Variants in BICRA observed in about 807,000 individuals in gnomAD.
BICRA encodes the protein BRD4-interacting chromatin-remodeling complex-associated protein.
BICRA carries 31 observed loss-of-function variants against 96.9 expected under a neutral mutation model. The ratio of observed to expected loss-of-function variants is 0.32; its 90% CI spans 0.24 to 0.43. The LOEUF is 0.43. Ranked by LOEUF, BICRA falls within the 20% of genes least tolerant of loss-of-function variation. The pLI is 1.00. For missense variants in BICRA, 2,283 were observed against 2,190.3 expected (o/e 1.04, Z -0.84); for synonymous variants, 1,350 against 1,071.8 (o/e 1.26, Z -5.07).
rs1194597676 is a variant in BICRA, at chr19:47,695,467, G to A, written c.3179G>A (p.Gly1060Glu). The change falls in exon 10 of 15, where the codon GGG becomes GAG. Residue 1060 changes from glycine to glutamate, a missense_variant. Transcript: ENST00000594866. Reference sequence around the variant, plus strand: ...TCCTCCGGGCCAGGGAAGCCCTCCGGGCTGCAGGTAAGGGGCCCTTAGAGC... The same window carrying A: ...TCCTCCGGGCCAGGGAAGCCCTCCGAGCTGCAGGTAAGGGGCCCTTAGAGC... ...AASSGPGKPS[G>E]LQYESKLSGL... 3 of 1,534,852 alleles carry A rather than the reference G, an allele frequency of 2.0e-6. No individual in the cohort carries two copies. Among genetic ancestry groups the A allele is most frequent in the Non-Finnish European group, 2.7e-6 (3 of 1,120,764 alleles).
In BICRA at chr19:47,701,821, G is replaced by A. The variant is rs1973455962; in HGVS notation, c.4089G>A (p.Val1363=). The A allele has an allele frequency of 1.3e-6, 2 of 1,531,478 alleles. No individual in the cohort carries two copies. Among genetic ancestry groups the A allele is most frequent in the Non-Finnish European group, 1.8e-6 (2 of 1,142,586 alleles). The allele number at this position is 1,531,478 out of a possible 1,614,324, so 94.9% of individuals were successfully genotyped here. ...CCACGGGCCAGATGAACGGCACGGT[G>A]GACCACCCGCCGCCTGCCGCCCCCG... is the stretch of plus-strand genomic sequence containing the variant. ...PPPTGQMNGT[V]DHPPPAAPER... The change falls in exon 15 of 15, where the codon GTG becomes GTA. Residue 1363 remains valine (V), a synonymous_variant. Coordinates refer to ENST00000594866, the MANE Select transcript of BICRA (RefSeq NM_001394372.1). The surrounding 1 kb of genome is among the most constrained non-coding windows in gnomAD (Gnocchi z 5.4).
chr19:47,612,117 T>A (rs1971916582), intron 1 of BICRA, among the ~76,000 whole-genome samples: 1 of 152,130 alleles, frequency 6.6e-6, no homozygotes, highest in Non-Finnish European at 1.5e-5. Context: ...GTAATCTGAC[T>A]GGCATTTAAA....
intron 1 of BICRA, among the ~76,000 whole-genome samples, chr19:47,643,543 G>A (rs1490615297): frequency 1.3e-5 from 2 of 152,158 alleles, no homozygotes; most frequent in Non-Finnish European, 2.9e-5. Flanking sequence ...GGGGTCCCTG[G>A]CATTAGGCTG....
At chr19:47,660,808 C>G (rs1972692657) in intron 1 of BICRA, among the ~76,000 whole-genome samples, 1 of 152,154 alleles carries the variant, frequency 6.6e-6, no homozygotes, top group Admixed American at 6.5e-5. Context: ...TCTTGGGTGA[C>G]CTTGGGCAAG....
Position 47,701,258 on chromosome 19 carries a change from C to A in BICRA, c.3596-70C>A. On this transcript the variant is annotated intron_variant, in intron 14 of 14. Coordinates refer to ENST00000594866, the MANE Select transcript of BICRA (RefSeq NM_001394372.1). The surrounding 1 kb of genome is among the most constrained non-coding windows in gnomAD (Gnocchi z 5.4). ...GCAGGTAGTAGGTGCTCACTGCACACAGCTCCTCCCAGCTCGGTCGGGGGG... is the reference window on the plus strand; with the variant it reads ...GCAGGTAGTAGGTGCTCACTGCACAAAGCTCCTCCCAGCTCGGTCGGGGGG... 1 of 1,092,470 alleles carries A rather than the reference C, an allele frequency of 9.2e-7. No individual in the cohort carries two copies. Among genetic ancestry groups the A allele is most frequent in the Non-Finnish European group, 1.4e-6 (1 of 734,080 alleles). 67.7% of individuals were successfully genotyped at this position (1,092,470 alleles called of 1,614,324 possible).
In BICRA at chr19:47,694,855, C is replaced by G. The variant is rs1184416088; in HGVS notation, c.2896-45C>G. On this transcript the variant is annotated intron_variant, in intron 8 of 14. Coordinates refer to ENST00000594866, the MANE Select transcript of BICRA (RefSeq NM_001394372.1). ...CCTGCTGCGTCTGGACACCCCTACACCTAGCCTATGTTCCCCACCCCTCAT... is the reference window on the plus strand; with the variant it reads ...CCTGCTGCGTCTGGACACCCCTACAGCTAGCCTATGTTCCCCACCCCTCAT... 9.3e-6 allele frequency: 13 copies of G among 1,397,358 alleles called. No homozygotes were observed. In the South Asian group the frequency reaches 1.1e-4, roughly 12 times the overall value. 86.6% of individuals were successfully genotyped at this position (1,397,358 alleles called of 1,614,324 possible).
At chr19:47,693,905 CAG>C (rs1192922819) in intron 7 of BICRA, among the ~76,000 whole-genome samples, 1 of 151,852 alleles carries the variant, frequency 6.6e-6, no homozygotes, top group Non-Finnish European at 1.5e-5. Context: ...CGGTGGGGGA[CAG>C]AGGTCGAGGG....
At position 47,702,304 on chromosome 19, in the gene BICRA, C is replaced by G. The variant is rs1460071190; in HGVS notation, c.4572C>G (p.Pro1524=). 7 of 1,582,950 alleles carry G rather than the reference C, an allele frequency of 4.4e-6. No individual in the cohort carries two copies. The highest frequency in any genetic ancestry group is 5.1e-6 in the Non-Finnish European group (6 of 1,171,870). ...GCCGGACGCCCGCGCCCTCGTACCCCCACGCTGCCTCGGCCGGCACCCCCG... is the reference window on the plus strand; with the variant it reads ...GCCGGACGCCCGCGCCCTCGTACCCGCACGCTGCCTCGGCCGGCACCCCCG... ...APGRTPAPSY[P]HAASAGTPAS... Residue 1524 remains proline (P), a synonymous_variant, in exon 15 of 15, where the codon CCC becomes CCG. Transcript: ENST00000594866.
At chr19:47,697,987 G>A (rs1307919924) in intron 11 of BICRA, among the ~76,000 whole-genome samples, 2 of 152,220 alleles carry the variant, frequency 1.3e-5, no homozygotes, top group East Asian at 1.9e-4. Flanking sequence ...GATTGCAGGC[G>A]TGAGCCTCTG....
intron 1 of BICRA, among the ~76,000 whole-genome samples, chr19:47,623,813 C>G (rs1004437257): frequency 3.4e-5 from 5 of 149,054 alleles, no homozygotes; most frequent in Admixed American, 3.4e-4. Context: ...CCCTGAGCAG[C>G]TGGGTGGAAG....
chr19:47,610,861 C>T (rs1971895684), intron 1 of BICRA, among the ~76,000 whole-genome samples: 1 of 152,074 alleles, frequency 6.6e-6, no homozygotes, highest in Non-Finnish European at 1.5e-5. Context: ...TCAGGAAGCA[C>T]CCCCTTCCCA....
chr19:47,634,870 C>A (rs1348293843), intron 1 of BICRA, among the ~76,000 whole-genome samples: 1 of 146,428 alleles, frequency 6.8e-6, no homozygotes, highest in Non-Finnish European at 1.5e-5. Context: ...TTACGCCATT[C>A]TCCTCCCTCA....
chr19:47,696,483 C>T lies in BICRA; in HGVS notation c.3219C>T (p.Pro1073=), dbSNP rs1045815086. 6.2e-7 allele frequency: 1 copy of T among 1,604,690 alleles called. No individual in the cohort carries two copies. Among genetic ancestry groups the T allele is most frequent in the Non-Finnish European group, 8.5e-7 (1 of 1,175,882 alleles). The part of the protein sequence containing the change: ...YESKLSGLKK[P]PTLQPSKEAC... Reference sequence around the variant, plus strand: ...GCAAACTGAGTGGCCTGAAGAAGCCCCCCACGCTTCAGCCCAGCAAGGAAG... The same window carrying T: ...GCAAACTGAGTGGCCTGAAGAAGCCTCCCACGCTTCAGCCCAGCAAGGAAG... Residue 1073 remains proline, a synonymous_variant, in exon 11 of 15, where the codon CCC becomes CCT. Transcript: ENST00000594866.
chr19:47,667,295 G>A (rs957642125), intron 1 of BICRA, among the ~76,000 whole-genome samples: 3 of 152,180 alleles, frequency 2.0e-5, no homozygotes, highest in Non-Finnish European at 4.4e-5. Flanking sequence ...GATTACAGGC[G>A]TGAGCCACAG....
intron 1 of BICRA, among the ~76,000 whole-genome samples, chr19:47,644,917 A>G (rs1972437568): frequency 6.6e-6 from 1 of 152,122 alleles, no homozygotes; most frequent in Non-Finnish European, 1.5e-5. Flanking sequence ...ACACACACAC[A>G]CTTCCTCTTT....
intron 1 of BICRA, among the ~76,000 whole-genome samples, chr19:47,629,684 G>A (rs920325756): frequency 6.6e-6 from 1 of 151,918 alleles, no homozygotes; most frequent in Admixed American, 6.6e-5. Flanking sequence ...TTGAGACGGA[G>A]TCTCGCTCTG....
Position 47,642,848 on chromosome 19 carries a change from C to T in BICRA, c.-107-27595C>T, listed in dbSNP as rs111788421. On this transcript the variant is annotated intron_variant, in intron 1 of 14. Transcript: ENST00000594866. ...CATTATCAGTCTTTATAATGTCAGA[C>T]GTTCTAACGGGTATGTAGTAATATC... is the stretch of plus-strand genomic sequence containing the variant. Among the ~76,000 whole-genome samples, 6 of 152,222 alleles carry T rather than the reference C, an allele frequency of 3.9e-5. No individual in the cohort carries two copies. The South Asian group carries it at 8.3e-4, about 21-fold the overall frequency.
At chr19:47,649,605 C>T (rs1359479287) in intron 1 of BICRA, among the ~76,000 whole-genome samples, 1 of 152,128 alleles carries the variant, frequency 6.6e-6, no homozygotes, top group Admixed American at 6.6e-5. Flanking sequence ...AATTGATATC[C>T]TACTAATGGA....
Position 47,680,856 on chromosome 19 carries a change from G to T in BICRA, c.1686G>T (p.Ala562=). 2 of 1,567,056 alleles carry T rather than the reference G, an allele frequency of 1.3e-6. No individual in the cohort carries two copies. The highest frequency in any genetic ancestry group is 1.7e-6 in the Non-Finnish European group (2 of 1,165,288). The change falls in exon 6 of 15, where the codon GCG becomes GCT. Residue 562 remains alanine, a synonymous_variant. Coordinates refer to ENST00000594866, the MANE Select transcript of BICRA (RefSeq NM_001394372.1). The part of the protein sequence containing the change: ...PALFQMPVSL[A]AGSLPTQSQP... Reference sequence around the variant, plus strand: ...TCTTCCAGATGCCCGTGTCGCTGGCGGCGGGCAGCCTGCCCACGCAGAGCC... The same window carrying T: ...TCTTCCAGATGCCCGTGTCGCTGGCTGCGGGCAGCCTGCCCACGCAGAGCC...
Sources: gnomAD v4.1 joint callset for allele counts (sites outside exome capture counted in the v4.1 genomes callset) on GRCh38, gnomAD v4.1.1 for gene constraint, Gnocchi (gnomAD v3.1) non-coding constraint, MANE v1.5 for transcripts, NCBI Gene and HGNC (gene_info 2026-07-23, HGNC 2026-07-21) for gene names.